Variants in SMYD3 observed in about 807,000 individuals in gnomAD.
SMYD3 encodes histone-lysine N-methyltransferase SMYD3.
In SMYD3, 36 loss-of-function variants were observed where a neutral mutation model predicts 57.7. The ratio of observed to expected loss-of-function variants is 0.62; its 90% CI spans 0.48 to 0.82. The LOEUF (loss-of-function observed/expected upper bound fraction) is 0.82. Ranked by LOEUF, SMYD3 falls within the 40% of genes least tolerant of loss-of-function variation. SMYD3 has a pLI of 0.00. For synonymous variants in SMYD3, 211 were observed against 195.0 expected, an observed-to-expected ratio of 1.08 and a Z score of -0.68; for missense variants, 515 against 538.8, an observed-to-expected ratio of 0.96 and a Z score of 0.44.
At chr1:246,410,189 C>T (rs2066941058) in intron 1 of SMYD3, among the ~76,000 whole-genome samples, 1 of 152,120 alleles carries the variant, frequency 6.6e-6, no homozygotes, top group Non-Finnish European at 1.5e-5. Context: ...CTGCCCTGGC[C>T]AGAATTTCCA....
intron 2 of SMYD3, among the ~76,000 whole-genome samples, chr1:246,350,739 G>A (rs1051493316): frequency 3.9e-5 from 6 of 152,230 alleles, no homozygotes; most frequent in Admixed American, 3.9e-4. Flanking sequence ...ACGGAGTCTT[G>A]AGAAGGATTA....
intron 5 of SMYD3, among the ~76,000 whole-genome samples, chr1:246,098,008 C>T (rs79926249): frequency 0.032 from 4,937 of 152,206 alleles, 278 homozygotes; most frequent in African/African-American, 0.11. Flanking sequence ...TTTGTTGCAA[C>T]CCTGTTCTTC....
chr1:246,094,769 C>T (rs2060884395), intron 5 of SMYD3, among the ~76,000 whole-genome samples: 1 of 152,172 alleles, frequency 6.6e-6, no homozygotes, highest in Admixed American at 6.5e-5. Context: ...CGGCTAATGT[C>T]CCTCCAGAAA....
chr1:246,420,597 T>C (rs1371127190), intron 1 of SMYD3, among the ~76,000 whole-genome samples: 3 of 152,218 alleles, frequency 2.0e-5, no homozygotes, highest in Non-Finnish European at 4.4e-5. Flanking sequence ...ACAGAGAAGA[T>C]AGTCTTATAT....
chr1:246,237,362 T>C (rs1464630413), intron 5 of SMYD3, among the ~76,000 whole-genome samples: 2 of 152,184 alleles, frequency 1.3e-5, no homozygotes, highest in East Asian at 1.9e-4. Flanking sequence ...CCTAAAGATA[T>C]TTTTACTCAC....
intron 10 of SMYD3, among the ~76,000 whole-genome samples, chr1:245,823,763 C>G (rs564535979): frequency 1.3e-5 from 2 of 152,140 alleles, no homozygotes; most frequent in African/African-American, 4.8e-5. Flanking sequence ...ACAGTGAGAC[C>G]GCCAAATGAG....
At chr1:246,149,451 A>G (rs2061907916) in intron 5 of SMYD3, among the ~76,000 whole-genome samples, 1 of 152,192 alleles carries the variant, frequency 6.6e-6, no homozygotes, top group Admixed American at 6.5e-5. Flanking sequence ...AAAATACCCT[A>G]AAGAGAAAGG....
intron 1 of SMYD3, among the ~76,000 whole-genome samples, chr1:246,408,701 GCT>G: frequency 8.7e-6 from 1 of 115,132 alleles, no homozygotes; most frequent in East Asian, 2.6e-4. Context: ...ATGGAGTCTA[GCT>G]CTCTCACCCA....
intron 5 of SMYD3, chr1:246,053,026 C>T (rs1282467970): frequency 6.6e-6 from 1 of 152,358 alleles, no homozygotes; most frequent in East Asian, 1.9e-4. Context: ...CGCTTGATAC[C>T]AGGAGTTGAA....
At chr1:245,898,479 A>G (rs991699223) in intron 8 of SMYD3, among the ~76,000 whole-genome samples, 2 of 152,220 alleles carry the variant, frequency 1.3e-5, no homozygotes, top group African/African-American at 4.8e-5. Flanking sequence ...ATGGCAACCT[A>G]TGAGTATGAA....
intron 5 of SMYD3, chr1:245,953,477 G>A (rs2057729553): frequency 1.2e-5 from 5 of 432,936 alleles, no homozygotes. Flanking sequence ...CTGGAGTGCA[G>A]TGGTGTGATC....
intron 5 of SMYD3, chr1:246,188,865 G>C (rs892987353): frequency 6.6e-6 from 1 of 151,836 alleles, no homozygotes; most frequent in Non-Finnish European, 1.5e-5. Flanking sequence ...GGAGGCTAGT[G>C]AGGAGGATCA....
At chr1:245,828,345 C>T (rs907134614) in intron 10 of SMYD3, among the ~76,000 whole-genome samples, 1 of 152,100 alleles carries the variant, frequency 6.6e-6, no homozygotes, top group Non-Finnish European at 1.5e-5. Flanking sequence ...GAAATGACAC[C>T]TTCTAGAAAA....
At chr1:245,950,442 T>G (rs1188794501) in intron 5 of SMYD3, among the ~76,000 whole-genome samples, 2 of 152,198 alleles carry the variant, frequency 1.3e-5, no homozygotes, top group African/African-American at 4.8e-5. Flanking sequence ...CAGCAGGATC[T>G]GAGTACAGGT....
intron 1 of SMYD3, among the ~76,000 whole-genome samples, chr1:246,491,704 T>A (rs1414259249): frequency 6.6e-6 from 1 of 152,122 alleles, no homozygotes; most frequent in Non-Finnish European, 1.5e-5. Context: ...GAGCTGCCCC[T>A]GGCTGATACC....
intron 5 of SMYD3, among the ~76,000 whole-genome samples, chr1:246,168,977 A>G (rs757916521): frequency 3.3e-5 from 5 of 152,180 alleles, no homozygotes; most frequent in African/African-American, 1.2e-4. Context: ...CTCTGGTCCA[A>G]TTAAATTTCC....
intron 5 of SMYD3, among the ~76,000 whole-genome samples, chr1:246,181,797 C>T (rs2062555523): frequency 1.3e-5 from 2 of 152,192 alleles, no homozygotes; most frequent in Non-Finnish European, 2.9e-5. Context: ...AGTGGGCTAA[C>T]ATATCCTCCA....
intron 5 of SMYD3, among the ~76,000 whole-genome samples, chr1:246,238,269 A>C (rs948808083): frequency 3.3e-5 from 5 of 152,108 alleles, no homozygotes; most frequent in African/African-American, 1.2e-4. Flanking sequence ...GAGCTCAAGC[A>C]ATCTGCCCGC....
At chr1:245,813,443 T>A (rs928151360) in intron 10 of SMYD3, among the ~76,000 whole-genome samples, 3 of 152,100 alleles carry the variant, frequency 2.0e-5, no homozygotes, top group Non-Finnish European at 4.4e-5. Flanking sequence ...GTTAAATGAA[T>A]CCAGCCCCCT....
Sources: allele counts gnomAD v4.1 joint callset (sites outside exome capture counted in the v4.1 genomes callset), GRCh38; gene constraint gnomAD v4.1.1; transcripts MANE v1.5; gene names NCBI Gene and HGNC (gene_info 2026-07-23, HGNC 2026-07-21).